Variants in ENOX1 observed in about 807,000 individuals in gnomAD.
ENOX1 encodes the protein candidate growth-related and time keeping constitutive hydroquinone (NADH) oxidase.
In ENOX1, 42 loss-of-function variants were observed where a neutral mutation model predicts 82.5. The ratio of observed to expected loss-of-function variants is 0.51; its 90% CI spans 0.40 to 0.66. ENOX1 has a LOEUF of 0.66. ENOX1 is among the 30% of genes least tolerant of loss of function. The pLI is 0.00. For missense variants in ENOX1, 608 were observed against 811.6 expected (o/e 0.75, Z 3.05); for synonymous variants, 271 against 282.2 (o/e 0.96, Z 0.40).
chr13:43,440,822 A>G (rs1319004881), intron 3 of ENOX1, among the ~76,000 whole-genome samples: 1 of 152,180 alleles, frequency 6.6e-6, no homozygotes, highest in African/African-American at 2.4e-5. Context: ...CAAGAATACT[A>G]TGTTTTGATT....
chr13:43,747,558 G>A (rs1236013072), intron 1 of ENOX1, among the ~76,000 whole-genome samples: 2 of 152,208 alleles, frequency 1.3e-5, no homozygotes, highest in East Asian at 3.8e-4. Context: ...CACACTTCAT[G>A]GACAGGCTTA....
chr13:43,459,024 C>T (rs1424831345), intron 3 of ENOX1: 1 of 152,136 alleles, frequency 6.6e-6, no homozygotes, highest in African/African-American at 2.4e-5. Flanking sequence ...ACAACTTCAG[C>T]TAAATGTTTT....
At chr13:43,311,915 A>C (rs770696512) in intron 11 of ENOX1, among the ~76,000 whole-genome samples, 2 of 152,240 alleles carry the variant, frequency 1.3e-5, no homozygotes, top group Non-Finnish European at 2.9e-5. Context: ...TCGGTAGATA[A>C]ACTACACTAG....
At chr13:43,612,242 T>G (rs975980226) in intron 2 of ENOX1, among the ~76,000 whole-genome samples, 1 of 152,130 alleles carries the variant, frequency 6.6e-6, no homozygotes, top group South Asian at 2.1e-4. Flanking sequence ...GTATTACAGC[T>G]AGGAAGAGCC....
chr13:43,419,425 C>T (rs9567186), intron 3 of ENOX1, among the ~76,000 whole-genome samples: 12,500 of 151,980 alleles, frequency 0.082, 1,549 homozygotes, highest in African/African-American at 0.27. Context: ...GCCCTCCTGT[C>T]GTCCCAGCTG....
intron 2 of ENOX1, among the ~76,000 whole-genome samples, chr13:43,515,931 C>T (rs1315108434): frequency 6.6e-6 from 1 of 152,150 alleles, no homozygotes; most frequent in Non-Finnish European, 1.5e-5. Flanking sequence ...CCTGATGTCC[C>T]TCATTTTTGT....
rs1186044964 is a variant in ENOX1 at position 43,616,188 on chromosome 13, A to C, written c.-219+51291T>G. ...TATCTATCTATCTATCTATCTATCT[A>C]TATATATATATATATATTTTTTTTT... On this transcript the variant is annotated intron_variant, in intron 2 of 16. Transcript: ENST00000690772. Among the ~76,000 whole-genome samples, 144 of 15,500 alleles carry C rather than the reference A, an allele frequency of 9.3e-3. 33 individuals carry two copies. Among genetic ancestry groups the C allele is most frequent in the African/African-American group, 0.012 (141 of 11,540 alleles). The allele number at this position is 15,500 out of a possible 152,430, so 10.2% of individuals were successfully genotyped here.
At chr13:43,582,795 C>T (rs931101313) in intron 2 of ENOX1, among the ~76,000 whole-genome samples, 40 of 152,146 alleles carry the variant, frequency 2.6e-4, no homozygotes, top group African/African-American at 9.2e-4. Flanking sequence ...AGGCTAAAGA[C>T]CTTTTTAAAA....
At chr13:43,522,666 C>T (rs539036130) in intron 2 of ENOX1, among the ~76,000 whole-genome samples, 1 of 152,252 alleles carries the variant, frequency 6.6e-6, no homozygotes, top group South Asian at 2.1e-4. Flanking sequence ...CACAGTTCCC[C>T]TCTTTGCATC....
chr13:43,541,818 G>A (rs1156877655), intron 2 of ENOX1, among the ~76,000 whole-genome samples: 1 of 152,202 alleles, frequency 6.6e-6, no homozygotes, highest in South Asian at 2.1e-4. Flanking sequence ...TATTGGGCCT[G>A]CATTCCATTT....
intron 14 of ENOX1, among the ~76,000 whole-genome samples, chr13:43,238,119 A>G (rs1052562857): frequency 2.0e-5 from 3 of 152,228 alleles, no homozygotes; most frequent in Non-Finnish European, 4.4e-5. Context: ...AACAGGCCTC[A>G]GGCTGATGGT....
chr13:43,648,392 TAG>T (rs1202577509), intron 2 of ENOX1, among the ~76,000 whole-genome samples: 4 of 152,222 alleles, frequency 2.6e-5, no homozygotes, highest in Non-Finnish European at 5.9e-5. Flanking sequence ...AGCTGACAGA[TAG>T]AGATTAAGCA....
chr13:43,287,835 T>C (rs989009131), intron 12 of ENOX1, among the ~76,000 whole-genome samples: 1 of 152,236 alleles, frequency 6.6e-6, no homozygotes, highest in African/African-American at 2.4e-5. Flanking sequence ...TTCAAACAGG[T>C]AGGGCTTTGT....
In ENOX1 at chr13:43,322,383, C is replaced by A; in HGVS notation, c.1261+1G>T. On this transcript the variant is annotated splice_donor_variant, in intron 11 of 16. Transcript: ENST00000690772. LOFTEE classifies it high-confidence loss of function. ...GGGTCTGTGGCAGTTATCGGCATTA[C>A]CTGATTCATCGACTCTCATTTTCTT... The A allele has an allele frequency of 6.2e-7, 1 of 1,611,894 alleles. No individual in the cohort carries two copies. Among genetic ancestry groups the A allele is most frequent in the Non-Finnish European group, 8.5e-7 (1 of 1,178,092 alleles).
chr13:43,661,673 A>G (rs1451081256), intron 2 of ENOX1, among the ~76,000 whole-genome samples: 3 of 152,198 alleles, frequency 2.0e-5, no homozygotes, highest in African/African-American at 7.2e-5. Flanking sequence ...GGCAGTAAAA[A>G]TGTGAGAGAA....
chr13:43,556,555 C>G (rs1205265555), intron 2 of ENOX1, among the ~76,000 whole-genome samples: 2 of 152,070 alleles, frequency 1.3e-5, no homozygotes, highest in African/African-American at 4.8e-5. Flanking sequence ...TTAGATAGGT[C>G]ATAACTGGCA....
At chr13:43,475,794 C>CAAAAAAAAAAAAAAAAAAA (rs10624980) in intron 3 of ENOX1, among the ~76,000 whole-genome samples, 3 of 70,944 alleles carry the variant, frequency 4.2e-5, no homozygotes, top group African/African-American at 1.8e-4. Flanking sequence ...CATAACTGAC[C>CAAAAAAAAAAAAAAAAAAA]AAAAAAAAAA....
chr13:43,452,568 G>A (rs766460476), intron 3 of ENOX1, among the ~76,000 whole-genome samples: 1 of 152,150 alleles, frequency 6.6e-6, no homozygotes, highest in South Asian at 2.1e-4. Flanking sequence ...TGTCACCCAG[G>A]ATGGTGTGCA....
At chr13:43,426,831 C>A (rs970578192) in intron 3 of ENOX1, among the ~76,000 whole-genome samples, 1 of 152,072 alleles carries the variant, frequency 6.6e-6, no homozygotes, top group African/African-American at 2.4e-5. Flanking sequence ...CAGAATTTTG[C>A]TAATAAGATA....
Sources: allele counts gnomAD v4.1 joint callset (sites outside exome capture counted in the v4.1 genomes callset), GRCh38; gene constraint gnomAD v4.1.1; transcripts MANE v1.5; gene names NCBI Gene and HGNC (gene_info 2026-07-23, HGNC 2026-07-21).